Variants in PPL observed in about 807,000 individuals in gnomAD.
PPL encodes periplakin, also known as 190 kDa paraneoplastic pemphigus antigen.
PPL carries 198 observed loss-of-function variants against 194.4 expected under a neutral mutation model. That is an observed-to-expected ratio of 1.02 (90% confidence interval 0.91 to 1.15). The LOEUF is 1.15. Ranked by LOEUF, PPL falls within the 50% of genes most tolerant of loss-of-function variation. PPL has a pLI of 0.00. For synonymous variants in PPL, 1,220 were observed against 972.4 expected (o/e 1.25, Z -4.74); for missense variants, 2,885 against 2,294.8 (o/e 1.26, Z -5.25).
chr16:4,895,195 C>A, intron 11 of PPL, 66 bp downstream of exon 11: 2 of 1,499,628 alleles, frequency 1.3e-6, no homozygotes, highest in East Asian at 4.7e-5. Flanking sequence ...GCCTGAGGCC[C>A]GGGATCCAAC....
rs1296753292 is a variant in PPL at position 4,902,356 on chromosome 16, C to G, written c.438+50G>C. 6.2e-7 allele frequency: 1 copy of G among 1,607,204 alleles called. No homozygotes were observed. Among genetic ancestry groups the G allele is most frequent in the Non-Finnish European group, 8.5e-7 (1 of 1,176,478 alleles). On this transcript the variant is annotated intron_variant, in intron 4 of 21. Coordinates refer to ENST00000345988, the MANE Select transcript of PPL (RefSeq NM_002705.5). This position sits in a 1 kb window ranked among gnomAD's most constrained non-coding sequence, Gnocchi z 4.0. Reference sequence around the variant, plus strand: ...GTAGGCTCTCCCTGCACACGCACAGCCCCCTCCCCAGCTGAAACCCTGGAG... The same window carrying G: ...GTAGGCTCTCCCTGCACACGCACAGGCCCCTCCCCAGCTGAAACCCTGGAG...
At chr16:4,915,264 G>T (rs2088895962) in intron 1 of PPL, among the ~76,000 whole-genome samples, 1 of 152,252 alleles carries the variant, frequency 6.6e-6, no homozygotes, top group Non-Finnish European at 1.5e-5. Context: ...ACAAAGCTGT[G>T]AGCGGTAGCA....
rs1436401700 is a variant in PPL at position 4,902,684 on chromosome 16, C to A, written c.318-158G>T. Among the ~76,000 whole-genome samples the A allele has an allele frequency of 8.0e-6, 1 of 125,300 alleles. No homozygotes were observed. Among genetic ancestry groups the A allele is most frequent in the Non-Finnish European group, 1.7e-5 (1 of 58,380 alleles). The allele number at this position is 125,300 out of a possible 152,430, so 82.2% of individuals were successfully genotyped here. A position where few individuals can be genotyped will look rare whatever the true frequency, so the allele number is the denominator to read the frequency against. On this transcript the variant is annotated intron_variant, in intron 3 of 21. Transcript: ENST00000345988. The surrounding 1 kb of genome is among the most constrained non-coding windows in gnomAD (Gnocchi z 4.0). ...ATCACAGCATCCTCTCACCCCTCCT[C>A]CCATGCACTTTTTTTTTTTTTTTGA... is the stretch of plus-strand genomic sequence containing the variant.
intron 6 of PPL, 136 bp downstream of exon 6, chr16:4,900,694 T>C: frequency 8.2e-7 from 1 of 1,226,742 alleles, no homozygotes; most frequent in Non-Finnish European, 1.2e-6. Flanking sequence ...TGCCTCTGCC[T>C]CCCAAAGTGC....
At position 4,885,465 on chromosome 16, in the gene PPL, G is replaced by A. The variant is rs764222308; in HGVS notation, c.3190C>T (p.Pro1064Ser). 6 of 1,612,242 alleles carry A rather than the reference G, an allele frequency of 3.7e-6. No homozygotes were observed. Among genetic ancestry groups the A allele is most frequent in the Non-Finnish European group, 5.1e-6 (6 of 1,179,954 alleles). Residue 1064 changes from proline (P) to serine (S), a missense_variant, in exon 22 of 22, where the codon CCC becomes TCC. By Grantham distance (74) the Pro-to-Ser change is moderately conservative. Coordinates refer to ENST00000345988, the MANE Select transcript of PPL (RefSeq NM_002705.5). This position sits in a 1 kb window ranked among gnomAD's most constrained non-coding sequence, Gnocchi z 6.3. ...EKEVVKLQND[P>S]QLEAEYQQLQ... ...TGCTGGTACTCTGCCTCCAGCTGGG[G>A]GTCATTCTGCAGTTTCACCACCTCT...
intron 16 of PPL, 179 bp downstream of exon 16, chr16:4,891,632 G>T: frequency 1.4e-6 from 1 of 710,132 alleles, no homozygotes; most frequent in Non-Finnish European, 2.2e-6. Context: ...AAGTCACACA[G>T]ATCCCGTGAA....
At chr16:4,890,394 A>G in intron 17 of PPL, 60 bp from the exon 18 acceptor site, 10 of 1,162,560 alleles carry the variant, frequency 8.6e-6, no homozygotes, top group Non-Finnish European at 1.2e-5. Flanking sequence ...CCGAGCCCTC[A>G]TTTTTTTTTT....
chr16:4,892,257 C>A, intron 14 of PPL, 44 bp from the exon 15 acceptor site: 1 of 1,578,190 alleles, frequency 6.3e-7, no homozygotes. Context: ...AGCCAGGCAG[C>A]CCCTTCCCCT....
rs2088120836 is a variant in PPL at position 4,882,693 on chromosome 16, C to G, written c.*691G>C. Reference sequence around the variant, plus strand: ...AAGCGAGACTTGTAAAGCACTGAAACTAAGGCTAACAGCAGCACAATCCAC... The same window carrying G: ...AAGCGAGACTTGTAAAGCACTGAAAGTAAGGCTAACAGCAGCACAATCCAC... On this transcript the variant is annotated 3_prime_UTR_variant, in exon 22 of 22. Coordinates refer to ENST00000345988, the MANE Select transcript of PPL (RefSeq NM_002705.5). The G allele has an allele frequency of 1.3e-5, 2 of 152,272 alleles. No individual in the cohort carries two copies. The highest frequency in any genetic ancestry group is 2.4e-5 in the African/African-American group (1 of 41,444). 9.4% of individuals were successfully genotyped at this position (152,272 alleles called of 1,614,324 possible). A position where few individuals can be genotyped will look rare whatever the true frequency, so the allele number is the denominator to read the frequency against.
chr16:4,936,930 G>A, intron 1 of PPL, 54 bp downstream of exon 1: 3 of 1,533,890 alleles, frequency 2.0e-6, no homozygotes, highest in South Asian at 2.3e-5. Context: ...TCCAGGTCCT[G>A]TGCGCCCACA....
chr16:4,899,339 A>C lies in PPL; in HGVS notation c.652T>G (p.Tyr218Asp), dbSNP rs757255818. 25 of 1,612,302 alleles carry C rather than the reference A, an allele frequency of 1.6e-5. No homozygotes were observed. The highest frequency in any genetic ancestry group is 1.6e-4 in the Middle Eastern group (1 of 6,082). The change falls in exon 7 of 22, where the codon TAC (tyrosine) becomes GAC (aspartate). Residue 218 changes from tyrosine to aspartate, a missense_variant. Transcript: ENST00000345988. Reference protein sequence around the residue: ...RQQHLSSLQDYMQRCTNELYW... With the variant: ...RQQHLSSLQDDMQRCTNELYW... ...AGCTCATTGGTGCAGCGCTGCATGT[A>C]GTCCTGCAGCGAACTCAGGTGCTGC...
Position 4,890,805 on chromosome 16 carries a change from C to T in PPL, c.2085G>A (p.Pro695=), listed in dbSNP as rs774941212. Residue 695 remains proline (P), a synonymous_variant, in exon 17 of 22, where the codon CCG becomes CCA. Coordinates refer to ENST00000345988, the MANE Select transcript of PPL (RefSeq NM_002705.5). ...TLASRFQEHC[P]DLERQEAEVH... is the part of the protein sequence containing the mutation. ...CCTCGGCCTCCTGGCGCTCCAGGTC[C>T]GGACAGTGCTCCTGGAAGCGGCTGG... is the stretch of plus-strand genomic sequence containing the variant. 1.4e-5 allele frequency: 22 copies of T among 1,603,276 alleles called. No homozygotes were observed. Among genetic ancestry groups the T allele is most frequent in the South Asian group, 5.6e-5 (5 of 89,442 alleles).
At position 4,902,940 on chromosome 16, in the gene PPL, C is replaced by A. The variant is rs962068784; in HGVS notation, c.318-414G>T. ...CTGACCTCAGGTGATCCGTCCGCTT[C>A]GGCCTCCCGAAGTGCTGGGATCACA... On this transcript the variant is annotated intron_variant, in intron 3 of 21. Transcript: ENST00000345988. This position sits in a 1 kb window ranked among gnomAD's most constrained non-coding sequence, Gnocchi z 4.0. Among the ~76,000 whole-genome samples the A allele has an allele frequency of 3.3e-5, 5 of 152,200 alleles. No homozygotes were observed. The highest frequency in any genetic ancestry group is 1.2e-4 in the African/African-American group (5 of 41,446).
chr16:4,914,501 G>T (rs72633276), intron 1 of PPL, among the ~76,000 whole-genome samples: 1 of 152,062 alleles, frequency 6.6e-6, no homozygotes, highest in African/African-American at 2.4e-5. Context: ...CTTGCTTAAG[G>T]GCCAGCTTTG....
chr16:4,885,938 C>T lies in PPL; in HGVS notation c.2717G>A (p.Arg906Lys), dbSNP rs765077020. ...CTTGACCTCGTTCTCCAGCTGCCGC[C>T]TCCGCTCAGTCTCCTCATCCAGTTC... ...RKELDEETER[R>K]RQLENEVKST... Residue 906 changes from arginine (R) to lysine (K), a missense_variant, in exon 22 of 22, where the codon AGG (arginine) becomes AAG (lysine). Transcript: ENST00000345988. The surrounding 1 kb of genome is among the most constrained non-coding windows in gnomAD (Gnocchi z 6.3). 6.2e-7 allele frequency: 1 copy of T among 1,613,222 alleles called. No individual in the cohort carries two copies. Among genetic ancestry groups the T allele is most frequent in the Middle Eastern group, 1.6e-4 (1 of 6,062 alleles).
intron 6 of PPL, among the ~76,000 whole-genome samples, chr16:4,899,809 T>C (rs2088520305): frequency 6.6e-6 from 1 of 152,204 alleles, no homozygotes; most frequent in Non-Finnish European, 1.5e-5. Flanking sequence ...TCAGTAACTA[T>C]AGCTTCTACT....
chr16:4,889,987 G>T (rs145648836), intron 18 of PPL, among the ~76,000 whole-genome samples, 197 bp downstream of exon 18: 2 of 152,382 alleles, frequency 1.3e-5, no homozygotes, highest in South Asian at 4.1e-4. Context: ...AGCTGGGAGA[G>T]GTGAGCGACA....
At chr16:4,925,325 C>T (rs2089136730) in intron 1 of PPL, among the ~76,000 whole-genome samples, 1 of 152,230 alleles carries the variant, frequency 6.6e-6, no homozygotes, top group African/African-American at 2.4e-5. Flanking sequence ...CCTGAAACAT[C>T]TGCCCTGGCT....
chr16:4,894,519 C>T lies in PPL; in HGVS notation c.1342G>A (p.Val448Met), dbSNP rs1401394500. The T allele has an allele frequency of 1.2e-5, 19 of 1,613,800 alleles. No individual in the cohort carries two copies. Among genetic ancestry groups the T allele is most frequent in the African/African-American group, 1.1e-4 (8 of 74,926 alleles). ...SAGNKLIAPA[V>M]CFVIPPTDPE... ...TCTGTGGGGGGGATCACAAAACACA[C>T]GGCCGGAGCAATCAGCTTGTTCCCA... Residue 448 changes from valine (V) to methionine (M), a missense_variant, in exon 12 of 22, where the codon GTG (valine) becomes ATG (methionine). By Grantham distance (21) the Val-to-Met change is conservative. Transcript: ENST00000345988.
Sources: gnomAD v4.1 joint callset for allele counts (sites outside exome capture counted in the v4.1 genomes callset) on GRCh38, gnomAD v4.1.1 for gene constraint, Gnocchi (gnomAD v3.1) non-coding constraint, MANE v1.5 for transcripts, NCBI Gene and HGNC (gene_info 2026-07-23, HGNC 2026-07-21) for gene names.